PUM3: variants seen among roughly 807,000 people sequenced by gnomAD.
PUM3 encodes the protein pumilio RNA binding family member 3, also known as pumilio homolog 3.
A neutral mutation model predicts 84.0 loss-of-function variants in PUM3; 91 were observed. The ratio of observed to expected loss-of-function variants is 1.08; its 90% CI spans 0.91 to 1.29. The LOEUF is 1.29. Among genes scored for constraint, PUM3 ranks in the 50% most tolerant of loss-of-function variants. PUM3 has a pLI of 0.00. For synonymous variants in PUM3, 321 were observed against 266.7 expected (o/e 1.20, Z -1.98); for missense variants, 1,067 against 767.5 (o/e 1.39, Z -4.61).
At chr9:2,825,732 G>A (rs10812750) in intron 10 of PUM3, among the ~76,000 whole-genome samples, 47,271 of 151,918 alleles carry the variant, frequency 0.31, 8,089 homozygotes, top group South Asian at 0.42. Context: ...TGCCCGCCTC[G>A]GGTTCCCAAA....
intron 11 of PUM3, among the ~76,000 whole-genome samples, 154 bp from the exon 12 acceptor site, chr9:2,823,988 CT>C (rs2129836893): frequency 6.6e-6 from 1 of 152,212 alleles, no homozygotes; most frequent in South Asian, 2.1e-4. Flanking sequence ...AACAAAAAAA[CT>C]GTAATATACC....
At position 2,804,349 on chromosome 9, in the gene PUM3, A is replaced by C. The variant is rs1821218114; in HGVS notation, c.1929T>G (p.Leu643=). The C allele has an allele frequency of 1.2e-6, 2 of 1,613,492 alleles. No homozygotes were observed. Among genetic ancestry groups the C allele is most frequent in the Non-Finnish European group, 1.7e-6 (2 of 1,179,900 alleles). ...KSTSKGIEIL[L]EKLST ...TTTCCACCTATGTGCTCAGTTTTTC[A>C]AGTAGAATTTCTATTCCTTTGCTGG... is the stretch of plus-strand genomic sequence containing the variant. The change falls in exon 18 of 18, where the codon CTT becomes CTG. Residue 643 remains leucine, a synonymous_variant. Coordinates refer to ENST00000397885, the MANE Select transcript of PUM3 (RefSeq NM_014878.5).
At chr9:2,822,462 T>G (rs1815672649) in intron 12 of PUM3, among the ~76,000 whole-genome samples, 1 of 151,908 alleles carries the variant, frequency 6.6e-6, no homozygotes, top group Admixed American at 6.6e-5. Flanking sequence ...TAACGTTAGC[T>G]TATCACCCCT....
At chr9:2,825,713 C>T (rs1464854290) in intron 10 of PUM3, among the ~76,000 whole-genome samples, 1 of 152,094 alleles carries the variant, frequency 6.6e-6, no homozygotes. Context: ...AACTACTGAC[C>T]TTGTGATCTG....
rs1295436779 is a variant in PUM3, at chr9:2,807,797, G to A, written c.1814+17C>T. 2.0e-6 allele frequency: 3 copies of A among 1,537,954 alleles called. No homozygotes were observed. Among genetic ancestry groups the A allele is most frequent in the African/African-American group, 2.7e-5 (2 of 73,318 alleles). On this transcript the variant is annotated intron_variant, in intron 17 of 17. Coordinates refer to ENST00000397885, the MANE Select transcript of PUM3 (RefSeq NM_014878.5). ...ATGACCAGGCCCTGCTCAGAGAAGG[G>A]CACATGTTATACATACCTAGAAAGA... is the stretch of plus-strand genomic sequence containing the variant.
Position 2,837,398 on chromosome 9 carries a change from G to A in PUM3, c.86C>T (p.Ser29Phe), listed in dbSNP as rs752695500. The A allele has an allele frequency of 6.3e-7, 1 of 1,590,604 alleles. No homozygotes were observed. The highest frequency in any genetic ancestry group is 1.1e-5 in the South Asian group (1 of 90,140). Residue 29 changes from serine (S) to phenylalanine (F), a missense_variant, in exon 3 of 18, where the codon TCT (serine) becomes TTT (phenylalanine). Ser to Phe is a radical substitution (Grantham distance 155). Transcript: ENST00000397885. ...TGTTGGAAATGTCTTTGAAGAACCA[G>A]AATCTAGTGACAATAATAATTATAA... The part of the protein sequence containing the change: ...EKNRFHKNSD[S>F]GSSKTFPTRK...
rs780832538 is a variant in PUM3 at position 2,804,215 on chromosome 9, A to G, written c.*116T>C. On this transcript the variant is annotated 3_prime_UTR_variant, in exon 18 of 18. Transcript: ENST00000397885. ...ATAGATTCGTATACAAAGAAGAAAC[A>G]CATATACAGAGTACCCCAATTACCA... is the stretch of plus-strand genomic sequence containing the variant. The G allele has an allele frequency of 1.2e-3, 1,171 of 968,566 alleles. 1 individual carries two copies. The highest frequency in any genetic ancestry group is 2.2e-3 in the Admixed American group (87 of 39,092). 60.0% of individuals were successfully genotyped at this position (968,566 alleles called of 1,614,324 possible).
rs759471373 is a variant in PUM3 at position 2,820,100 on chromosome 9, T to C, written c.1189-2A>G. 1.9e-6 allele frequency: 3 copies of C among 1,604,466 alleles called. No individual in the cohort carries two copies. Among genetic ancestry groups the C allele is most frequent in the Non-Finnish European group, 2.6e-6 (3 of 1,172,456 alleles). ...TAAAACCAAATGGGAGTATTGGCCCTGCAAGAATTGGAAGCCAGCAAAGGT... is the reference window on the plus strand; with the variant it reads ...TAAAACCAAATGGGAGTATTGGCCCCGCAAGAATTGGAAGCCAGCAAAGGT... On this transcript the variant is annotated splice_acceptor_variant, in intron 12 of 17. Transcript: ENST00000397885. LOFTEE classifies it high-confidence loss of function.
Position 2,804,359 on chromosome 9 carries a change from T to A in PUM3, c.1919A>T (p.Glu640Val). The change falls in exon 18 of 18, where the codon GAA becomes GTA. Residue 640 changes from glutamate (E) to valine (V), a missense_variant. By Grantham distance (121) the Glu-to-Val change is moderately radical. Coordinates refer to ENST00000397885, the MANE Select transcript of PUM3 (RefSeq NM_014878.5). ...TGTGCTCAGTTTTTCAAGTAGAATT[T>A]CTATTCCTTTGCTGGTGCTTTTGGT... The part of the protein sequence containing the change: ...EKTKSTSKGI[E>V]ILLEKLST 1 of 1,613,924 alleles carries A rather than the reference T, an allele frequency of 6.2e-7. No homozygotes were observed. The highest frequency in any genetic ancestry group is 2.2e-5 in the East Asian group (1 of 44,874).
chr9:2,833,107 A>G (rs10812760), intron 5 of PUM3, among the ~76,000 whole-genome samples: 75,839 of 151,942 alleles, frequency 0.5, 19,263 homozygotes, highest in South Asian at 0.61. Flanking sequence ...AACTTTAAGG[A>G]AACACTGGCT....
chr9:2,831,190 T>G, intron 6 of PUM3, 61 bp downstream of exon 6: 3 of 1,245,238 alleles, frequency 2.4e-6, no homozygotes, highest in Non-Finnish European at 3.5e-6. Flanking sequence ...CTTGGGTATT[T>G]TAAGAGAAAA....
At chr9:2,822,260 T>G (rs1815664767) in intron 12 of PUM3, among the ~76,000 whole-genome samples, 1 of 152,188 alleles carries the variant, frequency 6.6e-6, no homozygotes, top group African/African-American at 2.4e-5. Flanking sequence ...TACTTTGATC[T>G]AATTGACAAA....
chr9:2,831,440 A>C, intron 5 of PUM3, 96 bp from the exon 6 acceptor site: 4 of 774,374 alleles, frequency 5.2e-6, no homozygotes, highest in Non-Finnish European at 8.7e-6. Context: ...TGTTAGAAAA[A>C]AAGGTAGTCT....
intron 3 of PUM3, 120 bp from the exon 4 acceptor site, chr9:2,834,286 A>AG: frequency 1.3e-6 from 1 of 786,634 alleles, no homozygotes; most frequent in Non-Finnish European, 2.0e-6. Flanking sequence ...GAAGCTAAAA[A>AG]GGGGAACATA....
chr9:2,840,348 A>G (rs1332661875), intron 1 of PUM3, among the ~76,000 whole-genome samples: 1 of 152,208 alleles, frequency 6.6e-6, no homozygotes, highest in African/African-American at 2.4e-5. Flanking sequence ...GGGGTACTAA[A>G]GAATCCAGGC....
chr9:2,808,303 A>G (rs1241272850), intron 16 of PUM3, among the ~76,000 whole-genome samples: 1 of 152,236 alleles, frequency 6.6e-6, no homozygotes, highest in East Asian at 1.9e-4. Flanking sequence ...CTCATGGAGA[A>G]ATGCTCACTC....
intron 9 of PUM3, 44 bp downstream of exon 9, chr9:2,828,631 T>C (rs1284993882): frequency 3.4e-6 from 4 of 1,183,032 alleles, no homozygotes; most frequent in South Asian, 2.5e-5. Context: ...CCTTCCTCCT[T>C]TGAATGTCAT....
chr9:2,823,931 T>A (rs1207144343), intron 11 of PUM3, 97 bp from the exon 12 acceptor site: 1 of 606,958 alleles, frequency 1.6e-6, no homozygotes, highest in East Asian at 3.1e-5. Context: ...AGTTTTCATT[T>A]GAGTGGCATA....
chr9:2,829,790 G>T lies in PUM3; in HGVS notation c.836C>A (p.Thr279Lys), dbSNP rs201059766. The change falls in exon 8 of 18, where the codon ACA becomes AAA. Residue 279 changes from threonine (T) to lysine (K), a missense_variant. Physicochemically the swap from Thr to Lys is moderately conservative, Grantham distance 78 (BLOSUM62 -1). Transcript: ENST00000397885. ...AGATGTCACCTTGTAAAGCTGAAAT[G>T]TGTTCCCATAGAGCTCTTCCGTCAG... ...NMLTEELYGN[T>K]FQLYKSADHR... is the part of the protein sequence containing the mutation. The T allele has an allele frequency of 6.2e-7, 1 of 1,612,112 alleles. No homozygotes were observed. Among genetic ancestry groups the T allele is most frequent in the Non-Finnish European group, 8.5e-7 (1 of 1,178,792 alleles).
Sources: allele counts gnomAD v4.1 joint callset (sites outside exome capture counted in the v4.1 genomes callset), GRCh38; gene constraint gnomAD v4.1.1; transcripts MANE v1.5; gene names NCBI Gene and HGNC (gene_info 2026-07-23, HGNC 2026-07-21).